Variants in UBE2Q2 observed in about 807,000 individuals in gnomAD.
UBE2Q2 encodes the protein ubiquitin-conjugating enzyme E2 Q2.
UBE2Q2 carries 54 observed loss-of-function variants against 59.9 expected under a neutral mutation model. The ratio of observed to expected loss-of-function variants is 0.90; its 90% CI spans 0.72 to 1.13. The LOEUF is 1.13. UBE2Q2 is among the 50% of genes most tolerant of loss of function. The probability of loss-of-function intolerance (pLI) is 0.00; values close to 1 mark genes in which losing one functional copy is unlikely to be tolerated. For synonymous variants in UBE2Q2, 165 were observed against 155.2 expected (o/e 1.06, Z -0.47); for missense variants, 433 against 441.9 (o/e 0.98, Z 0.18).
At chr15:75,894,127 G>T (rs1230566085) in intron 11 of UBE2Q2, among the ~76,000 whole-genome samples, 1 of 152,162 alleles carries the variant, frequency 6.6e-6, no homozygotes, top group East Asian at 1.9e-4. Context: ...TAAAACTGCA[G>T]AATATCTAGA....
At chr15:75,853,655 C>T (rs1463372976) in intron 1 of UBE2Q2, among the ~76,000 whole-genome samples, 2 of 152,076 alleles carry the variant, frequency 1.3e-5, no homozygotes, top group Non-Finnish European at 2.9e-5. Context: ...CTTAAAGCAA[C>T]AAACATTATC....
At chr15:75,880,711 G>A (rs925773899) in intron 8 of UBE2Q2, among the ~76,000 whole-genome samples, 1 of 152,022 alleles carries the variant, frequency 6.6e-6, no homozygotes, top group Non-Finnish European at 1.5e-5. Flanking sequence ...ATCTTGGCCA[G>A]GCTGGTTTTG....
chr15:75,881,869 T>C (rs2141644525), intron 8 of UBE2Q2, among the ~76,000 whole-genome samples: 1 of 152,316 alleles, frequency 6.6e-6, no homozygotes, highest in Non-Finnish European at 1.5e-5. Flanking sequence ...TCTGAGGTAG[T>C]ACTTTAAGAA....
chr15:75,856,731 G>T (rs1338338116), intron 2 of UBE2Q2, among the ~76,000 whole-genome samples: 1 of 152,148 alleles, frequency 6.6e-6, no homozygotes, highest in Non-Finnish European at 1.5e-5. Flanking sequence ...ATCAGTTGAG[G>T]TGGGGAGTTC....
intron 3 of UBE2Q2, among the ~76,000 whole-genome samples, chr15:75,865,831 G>T (rs1244365520): frequency 6.6e-6 from 1 of 151,096 alleles, no homozygotes; most frequent in Admixed American, 6.6e-5. Context: ...CCTAGAAAGG[G>T]TTTAAAGGGA....
At chr15:75,845,693 C>T (rs145016432) in intron 1 of UBE2Q2, among the ~76,000 whole-genome samples, 7 of 152,264 alleles carry the variant, frequency 4.6e-5, no homozygotes, top group Non-Finnish European at 1.0e-4. Context: ...GCTGTGCCGG[C>T]ATTTAGTGCT....
intron 1 of UBE2Q2, among the ~76,000 whole-genome samples, chr15:75,847,295 C>T (rs1023644929): frequency 5.9e-5 from 9 of 152,142 alleles, no homozygotes; most frequent in African/African-American, 2.2e-4. Flanking sequence ...GCAGAGATAA[C>T]ATCAATAACT....
intron 11 of UBE2Q2, among the ~76,000 whole-genome samples, chr15:75,896,269 A>G (rs900656945): frequency 4.6e-5 from 7 of 152,206 alleles, no homozygotes; most frequent in Non-Finnish European, 8.8e-5. Flanking sequence ...ACCAAGTAGG[A>G]GGGAGAGTTT....
intron 9 of UBE2Q2, among the ~76,000 whole-genome samples, chr15:75,888,320 G>A (rs1344272929): frequency 6.6e-6 from 1 of 152,088 alleles, no homozygotes; most frequent in Non-Finnish European, 1.5e-5. Flanking sequence ...GCCTATCTTG[G>A]ACATTTCATA....
At chr15:75,864,552 T>C (rs1372659685) in intron 3 of UBE2Q2, among the ~76,000 whole-genome samples, 3 of 151,934 alleles carry the variant, frequency 2.0e-5, no homozygotes, top group Non-Finnish European at 4.4e-5. Flanking sequence ...TTTTCCTTTT[T>C]CTATGTATCG....
At chr15:75,865,086 TG>T (rs1441530772) in intron 3 of UBE2Q2, among the ~76,000 whole-genome samples, 1 of 152,254 alleles carries the variant, frequency 6.6e-6, no homozygotes, top group Non-Finnish European at 1.5e-5. Context: ...AGTGAATACT[TG>T]GGAGCCAACA....
chr15:75,863,162 G>A (rs183747550), intron 3 of UBE2Q2, among the ~76,000 whole-genome samples: 108 of 152,310 alleles, frequency 7.1e-4, no homozygotes, highest in African/African-American at 2.4e-3. Flanking sequence ...GGTACCTAGT[G>A]TCTGAGTCTA....
chr15:75,896,001 A>G (rs1039191488), intron 11 of UBE2Q2, among the ~76,000 whole-genome samples: 3 of 152,228 alleles, frequency 2.0e-5, no homozygotes, highest in Non-Finnish European at 2.9e-5. Flanking sequence ...GAATATCCAT[A>G]TAATAGAAAT....
At position 75,897,076 on chromosome 15, in the gene UBE2Q2, ATAAG is replaced by A; in HGVS notation, c.1096+17_1096+20del. The A allele has an allele frequency of 1.4e-6, 2 of 1,471,986 alleles. No individual in the cohort carries two copies. The highest frequency in any genetic ancestry group is 1.8e-6 in the Non-Finnish European group (2 of 1,081,178). The allele number at this position is 1,471,986 out of a possible 1,614,324, so 91.2% of individuals were successfully genotyped here. ...TGAGAAAAATGGTATGTTTAATTCA[ATAAG>A]TGTTTATTGCCATTTAAGAAGTTTT... On this transcript the variant is annotated intron_variant, in intron 12 of 12. Transcript: ENST00000267938.
Position 75,844,786 on chromosome 15 carries a change from A to G in UBE2Q2, c.180+940A>G, listed in dbSNP as rs189598270. Among the ~76,000 whole-genome samples, 265 of 152,282 alleles carry G rather than the reference A, an allele frequency of 1.7e-3. 5 individuals are homozygous for G. The highest frequency in any genetic ancestry group is 5.8e-3 in the African/African-American group (239 of 41,558). On this transcript the variant is annotated intron_variant, in intron 1 of 12. Coordinates refer to ENST00000267938, the MANE Select transcript of UBE2Q2 (RefSeq NM_173469.4). ...ATTCTCTTGGTTATAATAGGCGTCA[A>G]GGTGGTGGCTTCGGGCTCCTTTTCA...
intron 8 of UBE2Q2, 43 bp downstream of exon 8, chr15:75,879,231 G>A: frequency 8.4e-7 from 1 of 1,185,168 alleles, no homozygotes; most frequent in Non-Finnish European, 1.2e-6. Flanking sequence ...CCAGTGGGGT[G>A]CGTATATTTG....
chr15:75,863,490 G>A (rs113080321), intron 3 of UBE2Q2, among the ~76,000 whole-genome samples: 2 of 150,496 alleles, frequency 1.3e-5, no homozygotes, highest in South Asian at 2.1e-4. Flanking sequence ...GTCGCCCAGG[G>A]TGGAGTGCAG....
intron 8 of UBE2Q2, among the ~76,000 whole-genome samples, chr15:75,881,634 C>T (rs1278770614): frequency 6.6e-6 from 1 of 152,102 alleles, no homozygotes; most frequent in African/African-American, 2.4e-5. Flanking sequence ...AGGTATGACT[C>T]AGAAAGATTT....
chr15:75,871,438 C>T (rs994747506), intron 4 of UBE2Q2, among the ~76,000 whole-genome samples: 6 of 152,242 alleles, frequency 3.9e-5, no homozygotes, highest in Non-Finnish European at 8.8e-5. Flanking sequence ...AGGTCTTTCC[C>T]TTCCCACGAG....
Sources: gnomAD v4.1 joint callset for allele counts (sites outside exome capture counted in the v4.1 genomes callset) on GRCh38, gnomAD v4.1.1 for gene constraint, MANE v1.5 for transcripts, NCBI Gene and HGNC (gene_info 2026-07-23, HGNC 2026-07-21) for gene names.